EXOC2: variants seen among roughly 807,000 people sequenced by gnomAD.
EXOC2 encodes exocyst complex component 2.
Under a neutral mutation model 131.8 loss-of-function variants are expected in EXOC2, and 70 were observed. That is an observed-to-expected ratio of 0.53 (90% CI 0.44 to 0.65). The LOEUF (loss-of-function observed/expected upper bound fraction) is 0.65. Ranked by LOEUF, EXOC2 falls within the 30% of genes least tolerant of loss-of-function variation. The probability of loss-of-function intolerance (pLI) is 0.00; values close to 1 mark genes in which losing one functional copy is unlikely to be tolerated. For synonymous variants in EXOC2, 411 were observed against 398.4 expected (o/e 1.03, Z -0.38); for missense variants, 923 against 1,108.6 (o/e 0.83, Z 2.38).
At chr6:563,154 A>C (rs1757787505) in intron 16 of EXOC2, among the ~76,000 whole-genome samples, 1 of 152,250 alleles carries the variant, frequency 6.6e-6, no homozygotes, top group Non-Finnish European at 1.5e-5. Context: ...TCTTCACAAC[A>C]CTAGGCATGT....
chr6:574,990 T>A (rs1455363671), intron 12 of EXOC2, among the ~76,000 whole-genome samples: 1 of 152,132 alleles, frequency 6.6e-6, no homozygotes, highest in Non-Finnish European at 1.5e-5. Flanking sequence ...GACAAGAAAA[T>A]CTAAAAATGG....
At chr6:557,632 A>AG (rs1349829788) in intron 17 of EXOC2, among the ~76,000 whole-genome samples, 2 of 150,854 alleles carry the variant, frequency 1.3e-5, no homozygotes, top group Non-Finnish European at 3.0e-5. Context: ...AAAAAAAAAA[A>AG]AAAGAAAAGA....
chr6:505,117 A>G (rs1182532053), intron 23 of EXOC2, among the ~76,000 whole-genome samples: 1 of 152,016 alleles, frequency 6.6e-6, no homozygotes, highest in Non-Finnish European at 1.5e-5. Context: ...TTGAGTTTGC[A>G]TATAGGAACA....
intron 24 of EXOC2, among the ~76,000 whole-genome samples, chr6:498,471 G>A (rs758886601): frequency 1.9e-4 from 29 of 152,108 alleles, no homozygotes; most frequent in Non-Finnish European, 3.7e-4. Flanking sequence ...TTTTTTATAA[G>A]ATCACAATTA....
At chr6:607,507 A>T (rs1002650125) in intron 7 of EXOC2, among the ~76,000 whole-genome samples, 2 of 152,238 alleles carry the variant, frequency 1.3e-5, no homozygotes, top group African/African-American at 4.8e-5. Context: ...ACTGCTACAA[A>T]TACTTACACA....
At position 532,456 on chromosome 6, in the gene EXOC2, C is replaced by A. The variant is rs778995939; in HGVS notation, c.2380+13G>T. On this transcript the variant is annotated intron_variant, in intron 23 of 27. Transcript: ENST00000230449. ...ATATCCACATCTATTACTCAAGAAA[C>A]TTTATTACTTACCTGTTGGAGGCAG... 6.4e-7 allele frequency: 1 copy of A among 1,554,398 alleles called. No homozygotes were observed. Among genetic ancestry groups the A allele is most frequent in the South Asian group, 1.3e-5 (1 of 79,450 alleles).
At chr6:624,694 A>C (rs760228915) in intron 4 of EXOC2, among the ~76,000 whole-genome samples, 9 of 152,234 alleles carry the variant, frequency 5.9e-5, no homozygotes, top group Non-Finnish European at 1.3e-4. Context: ...AAATCCGTAA[A>C]GATGACAATG....
intron 13 of EXOC2, among the ~76,000 whole-genome samples, chr6:570,285 C>T (rs1259074007): frequency 4.6e-5 from 7 of 152,110 alleles, no homozygotes; most frequent in African/African-American, 1.7e-4. Flanking sequence ...AGGCGCCCGC[C>T]ACCACGCCTG....
At chr6:495,656 T>C (rs1581295683) in intron 25 of EXOC2, among the ~76,000 whole-genome samples, 1 of 152,322 alleles carries the variant, frequency 6.6e-6, no homozygotes, top group South Asian at 2.1e-4. Context: ...CTCGATGACG[T>C]GTGAGAGCTC....
intron 23 of EXOC2, among the ~76,000 whole-genome samples, chr6:531,561 G>A (rs1488131557): frequency 3.9e-5 from 6 of 152,186 alleles, no homozygotes; most frequent in Admixed American, 1.3e-4. Context: ...ATCACTATAC[G>A]TGAACACTAT....
At chr6:623,954 T>C (rs2127689193) in intron 4 of EXOC2, among the ~76,000 whole-genome samples, 1 of 152,316 alleles carries the variant, frequency 6.6e-6, no homozygotes, top group Non-Finnish European at 1.5e-5. Context: ...TCCTCACATC[T>C]TGGTGACATG....
At chr6:661,852 C>T (rs553759256) in intron 1 of EXOC2, among the ~76,000 whole-genome samples, 4 of 152,184 alleles carry the variant, frequency 2.6e-5, no homozygotes, top group Non-Finnish European at 4.4e-5. Flanking sequence ...TTAAAAGATA[C>T]AGAACCACAG....
intron 1 of EXOC2, among the ~76,000 whole-genome samples, chr6:689,866 G>C (rs1764836802): frequency 1.3e-5 from 2 of 152,176 alleles, no homozygotes; most frequent in African/African-American, 4.8e-5. Flanking sequence ...AGGATTCACT[G>C]AGTTGGAAAA....
At chr6:681,475 G>A (rs551483227) in intron 1 of EXOC2, among the ~76,000 whole-genome samples, 1 of 152,214 alleles carries the variant, frequency 6.6e-6, no homozygotes, top group Admixed American at 6.5e-5. Context: ...CCCCACCAAA[G>A]AAGTATTTTA....
intron 23 of EXOC2, among the ~76,000 whole-genome samples, chr6:504,096 G>A (rs1355311910): frequency 2.0e-5 from 3 of 152,228 alleles, no homozygotes. Context: ...CAACACCGTT[G>A]GCAAAAGCAG....
At chr6:628,697 T>A (rs569246082) in intron 4 of EXOC2, among the ~76,000 whole-genome samples, 8 of 152,288 alleles carry the variant, frequency 5.3e-5, no homozygotes, top group Admixed American at 1.3e-4. Flanking sequence ...CTCAGGCAGG[T>A]TGGAAAGAGA....
At chr6:671,368 A>G (rs914456351) in intron 1 of EXOC2, among the ~76,000 whole-genome samples, 6 of 151,980 alleles carry the variant, frequency 3.9e-5, no homozygotes, top group Non-Finnish European at 5.9e-5. Context: ...AAAAAACAAA[A>G]AAAGAAAAAC....
At chr6:598,749 G>T in intron 9 of EXOC2, 111 bp downstream of exon 9, 1 of 774,550 alleles carries the variant, frequency 1.3e-6, no homozygotes, top group Non-Finnish European at 2.1e-6. Context: ...TGTAAAGAGA[G>T]CCTCATATAA....
chr6:575,776 G>T (rs931575297), intron 12 of EXOC2, among the ~76,000 whole-genome samples: 37 of 152,296 alleles, frequency 2.4e-4, no homozygotes, highest in African/African-American at 8.7e-4. Flanking sequence ...CAAGAATAAT[G>T]TTTCAAAAGA....
Sources: gnomAD v4.1 joint callset for allele counts (sites outside exome capture counted in the v4.1 genomes callset) on GRCh38, gnomAD v4.1.1 for gene constraint, MANE v1.5 for transcripts, NCBI Gene and HGNC (gene_info 2026-07-23, HGNC 2026-07-21) for gene names.